The following MGA variants were observed in gnomAD, a reference collection of about 807,000 sequenced individuals.
The protein encoded by MGA is MAX gene-associated protein.
Under a neutral mutation model 261.1 loss-of-function variants are expected in MGA, and 40 were observed. The ratio of observed to expected loss-of-function variants is 0.15; its 90% CI spans 0.12 to 0.20. MGA has a LOEUF of 0.20. MGA is among the 10% of genes least tolerant of loss of function. The probability of loss-of-function intolerance (pLI) is 1.00; values close to 1 mark genes in which losing one functional copy is unlikely to be tolerated. For synonymous variants in MGA, 1,302 were observed against 1,290.6 expected, an observed-to-expected ratio of 1.01 and a Z score of -0.19; for missense variants, 3,397 against 3,630.5, an observed-to-expected ratio of 0.94 and a Z score of 1.65.
intron 15 of MGA, among the ~76,000 whole-genome samples, chr15:41,748,034 A>G (rs2062605365): frequency 1.3e-5 from 2 of 152,300 alleles, no homozygotes; most frequent in South Asian, 4.1e-4. Context: ...AGATGGCAGG[A>G]TCACTTGAGG....
At chr15:41,676,043 G>A (rs1340262878) in intron 2 of MGA, among the ~76,000 whole-genome samples, 1 of 152,152 alleles carries the variant, frequency 6.6e-6, no homozygotes, top group Non-Finnish European at 1.5e-5. Context: ...ATAGTTTTCA[G>A]ATGTTTTTCT....
chr15:41,652,584 C>G (rs1161817120), intron 1 of MGA, among the ~76,000 whole-genome samples: 1 of 148,688 alleles, frequency 6.7e-6, no homozygotes, highest in South Asian at 2.1e-4. Context: ...TGTTGCCAGG[C>G]TGGTCTCTAG....
At chr15:41,681,421 G>C (rs1200748766) in intron 2 of MGA, among the ~76,000 whole-genome samples, 1 of 124,972 alleles carries the variant, frequency 8.0e-6, no homozygotes. Flanking sequence ...TTTTAATTCT[G>C]TTAGTGTCAT....
Position 41,668,994 on chromosome 15 carries a change from G to A in MGA, c.100G>A (p.Gly34Ser). 6.2e-7 allele frequency: 1 copy of A among 1,613,602 alleles called. No homozygotes were observed. Among genetic ancestry groups the A allele is most frequent in the Non-Finnish European group, 8.5e-7 (1 of 1,179,602 alleles). Residue 34 changes from glycine (G) to serine (S), a missense_variant, in exon 2 of 24, where the codon GGC (glycine) becomes AGC (serine). This residue lies in a region of MGA where 81 missense variants were observed against 84.3 expected (regional missense o/e 0.96). Coordinates refer to ENST00000219905, the MANE Select transcript of MGA (RefSeq NM_001164273.2). ...TGTCATCTTAAAGCAGCCAGGAAAT[G>A]GCAAAACTGATCAAGGAATTTTGGT... is the stretch of plus-strand genomic sequence containing the variant.
intron 17 of MGA, among the ~76,000 whole-genome samples, chr15:41,753,890 G>A (rs1000959198): frequency 6.6e-6 from 1 of 152,128 alleles, no homozygotes; most frequent in East Asian, 1.9e-4. Context: ...TGAGGATGCT[G>A]TTAAGTTTAA....
chr15:41,683,935 A>T (rs564922814), intron 2 of MGA, among the ~76,000 whole-genome samples: 1 of 150,882 alleles, frequency 6.6e-6, no homozygotes, highest in Non-Finnish European at 1.5e-5. Flanking sequence ...AATTATTTTT[A>T]TTTTATTTTA....
At chr15:41,727,487 GAT>G (rs2061311588) in intron 10 of MGA, 81 bp downstream of exon 10, 6 of 1,308,582 alleles carry the variant, frequency 4.6e-6, no homozygotes, top group Non-Finnish European at 6.4e-6. Flanking sequence ...ATTTTTGGTT[GAT>G]ATTTTGTGAA....
At chr15:41,629,299 A>T (rs1405158778) in intron 1 of MGA, among the ~76,000 whole-genome samples, 1 of 152,108 alleles carries the variant, frequency 6.6e-6, no homozygotes, top group Non-Finnish European at 1.5e-5. Context: ...GATGATTACA[A>T]GGCTTTTAGC....
Position 41,760,395 on chromosome 15 carries a change from G to A in MGA, c.7264G>A (p.Ala2422Thr), listed in dbSNP as rs2151991925. 1 of 1,614,006 alleles carries A rather than the reference G, an allele frequency of 6.2e-7. No homozygotes were observed. The highest frequency in any genetic ancestry group is 8.5e-7 in the Non-Finnish European group (1 of 1,179,892). ...ACTACAGAAAGAAGCAGAAGCGTTTGCTTATTATCGCCGGACACACACTGC... is the reference window on the plus strand; with the variant it reads ...ACTACAGAAAGAAGCAGAAGCGTTTACTTATTATCGCCGGACACACACTGC... Residue 2422 changes from alanine (A) to threonine (T), a missense_variant, in exon 20 of 24, where the codon GCT (alanine) becomes ACT (threonine). By Grantham distance (58) the Ala-to-Thr change is moderately conservative (BLOSUM62 0). Transcript: ENST00000219905.
intron 2 of MGA, among the ~76,000 whole-genome samples, chr15:41,674,197 A>AT (rs1210764703): frequency 6.6e-6 from 1 of 151,102 alleles, no homozygotes; most frequent in Admixed American, 6.6e-5. Flanking sequence ...ACCAATTATT[A>AT]TTTTTTATTT....
In MGA at chr15:41,766,190, C is replaced by G. The variant is rs2063789672; in HGVS notation, c.8108C>G (p.Ser2703Cys). 1.9e-6 allele frequency: 3 copies of G among 1,613,896 alleles called. No individual in the cohort carries two copies. Among genetic ancestry groups the G allele is most frequent in the Admixed American group, 3.3e-5 (2 of 60,002 alleles). ...TTAGAGGATAAGGGTAGAATCTCTTCCAGAGGAAACAGAGATGGCAGAGTG... is the reference window on the plus strand; with the variant it reads ...TTAGAGGATAAGGGTAGAATCTCTTGCAGAGGAAACAGAGATGGCAGAGTG... Residue 2703 changes from serine to cysteine, a missense_variant, in exon 24 of 24, where the codon TCC becomes TGC. Physicochemically the swap from Ser to Cys is moderately radical, Grantham distance 112. Around this residue, in one of 9 missense-constraint regions of MGA, gnomAD observed 647 missense variants for 642.4 expected, o/e 1.01. Coordinates refer to ENST00000219905, the MANE Select transcript of MGA (RefSeq NM_001164273.2).
rs1173515720 is a variant in MGA, at chr15:41,768,584, C to G, written c.*1304C>G. ...TGAAACTGTATAGACTGGGATTTAGCTGCTGCATTTTGCCTTTCTTAAATA... is the reference window on the plus strand; with the variant it reads ...TGAAACTGTATAGACTGGGATTTAGGTGCTGCATTTTGCCTTTCTTAAATA... On this transcript the variant is annotated 3_prime_UTR_variant, in exon 24 of 24. Coordinates refer to ENST00000219905, the MANE Select transcript of MGA (RefSeq NM_001164273.2). 1 of 152,568 alleles carries G rather than the reference C, an allele frequency of 6.6e-6. No individual in the cohort carries two copies. The highest frequency in any genetic ancestry group is 1.5e-5 in the Non-Finnish European group (1 of 68,038). The allele number at this position is 152,568 out of a possible 1,614,324, so 9.5% of individuals were successfully genotyped here.
chr15:41,735,332 T>C (rs748266260), intron 12 of MGA, among the ~76,000 whole-genome samples: 8 of 152,318 alleles, frequency 5.3e-5, no homozygotes, highest in South Asian at 4.1e-4. Flanking sequence ...AAGAATACTT[T>C]GGGTAGTTGA....
In MGA at chr15:41,740,062, A is replaced by G; in HGVS notation, c.4444A>G (p.Asn1482Asp). ...TACTGTCATCTCCAAGGTAGCATCC[A>G]ATGCCAAGGTGGCTGCATCCAGGAA... Residue 1482 changes from asparagine (N) to aspartate (D), a missense_variant, in exon 14 of 24, where the codon AAT becomes GAT. Asn to Asp is a conservative substitution (Grantham distance 23, BLOSUM62 1). Coordinates refer to ENST00000219905, the MANE Select transcript of MGA (RefSeq NM_001164273.2). The G allele has an allele frequency of 1.2e-6, 2 of 1,614,042 alleles. No individual in the cohort carries two copies. Among genetic ancestry groups the G allele is most frequent in the Non-Finnish European group, 1.7e-6 (2 of 1,179,896 alleles).
intron 22 of MGA, 134 bp downstream of exon 22, chr15:41,762,496 ACAGCTCTGTCGCCCAGG>A: frequency 2.0e-6 from 1 of 492,750 alleles, no homozygotes; most frequent in Non-Finnish European, 3.1e-6. Flanking sequence ...TTTTTTGGAG[ACAGCTCTGTCGCCCAGG>A]CTGCAGTTGC....
intron 2 of MGA, among the ~76,000 whole-genome samples, chr15:41,674,763 C>T (rs1322496711): frequency 6.6e-6 from 1 of 152,028 alleles, no homozygotes; most frequent in African/African-American, 2.4e-5. Flanking sequence ...CTTGATCCGC[C>T]CGCCTTGGCC....
In MGA at chr15:41,669,513, G is replaced by A; in HGVS notation, c.619G>A (p.Val207Met). ...TCGTTACCTGCCGAGGCTTCATTTG[G>A]TGCCTGCAGAAAAGGCTGTGGAGGT... The change falls in exon 2 of 24, where the codon GTG (valine) becomes ATG (methionine). Residue 207 changes from valine (V) to methionine (M), a missense_variant. Transcript: ENST00000219905. The A allele has an allele frequency of 1.9e-6, 3 of 1,613,972 alleles. No individual in the cohort carries two copies. Among genetic ancestry groups the A allele is most frequent in the Non-Finnish European group, 2.5e-6 (3 of 1,179,900 alleles).
At chr15:41,708,065 C>T in intron 6 of MGA, 39 bp from the exon 7 acceptor site, 1 of 1,503,342 alleles carries the variant, frequency 6.7e-7, no homozygotes, top group Non-Finnish European at 9.0e-7. Context: ...TATTGGCCTG[C>T]TAGAATTTTG....
chr15:41,650,181 G>A (rs188109523), intron 1 of MGA, among the ~76,000 whole-genome samples: 1 of 152,152 alleles, frequency 6.6e-6, no homozygotes, highest in Non-Finnish European at 1.5e-5. Context: ...ATAATTGATG[G>A]TAAGCTTTTG....
Sources: gnomAD v4.1 joint callset for allele counts (sites outside exome capture counted in the v4.1 genomes callset) on GRCh38, gnomAD v4.1.1 for gene constraint, gnomAD v4.1.1 regional missense constraint, MANE v1.5 for transcripts, NCBI Gene and HGNC (gene_info 2026-07-23, HGNC 2026-07-21) for gene names.